The following UNC5C variants were observed in gnomAD, a reference collection of about 807,000 sequenced individuals.
UNC5C encodes the protein unc-5 netrin receptor C, also known as netrin receptor UNC5C.
UNC5C carries 47 observed loss-of-function variants against 99.8 expected under a neutral mutation model. The ratio of observed to expected loss-of-function variants is 0.47; its 90% CI spans 0.37 to 0.60. The LOEUF (loss-of-function observed/expected upper bound fraction) is 0.60. Among genes scored for constraint, UNC5C ranks in the 20% least tolerant of loss-of-function variants. The pLI is 0.00. For synonymous variants in UNC5C, 487 were observed against 452.2 expected (o/e 1.08, Z -0.98); for missense variants, 1,062 against 1,165.9 (o/e 0.91, Z 1.30).
At chr4:95,323,132 T>G (rs1742754748) in intron 2 of UNC5C, among the ~76,000 whole-genome samples, 1 of 152,152 alleles carries the variant, frequency 6.6e-6, no homozygotes, top group South Asian at 2.1e-4. Context: ...TTGAGATACT[T>G]CTTTAAGAAT....
chr4:95,394,193 C>A (rs902166443), intron 1 of UNC5C, among the ~76,000 whole-genome samples: 30 of 151,888 alleles, frequency 2.0e-4, no homozygotes, highest in Admixed American at 6.6e-4. Flanking sequence ...AGCTTGACTT[C>A]TGTACCCAGC....
rs541673332 is a variant in UNC5C at position 95,472,137 on chromosome 4, A to T, written c.124+76597T>A. Among the ~76,000 whole-genome samples, 13 of 152,292 alleles carry T rather than the reference A, an allele frequency of 8.5e-5. No individual in the cohort carries two copies. In the East Asian group the frequency reaches 2.3e-3, roughly 27 times the overall value. On this transcript the variant is annotated intron_variant, in intron 1 of 15. Transcript: ENST00000453304. Reference sequence around the variant, plus strand: ...AAACAAGATATTAAAGAGACAAACTAGAAAATATTTCATAACTTCCATTTG... The same window carrying T: ...AAACAAGATATTAAAGAGACAAACTTGAAAATATTTCATAACTTCCATTTG...
intron 1 of UNC5C, among the ~76,000 whole-genome samples, chr4:95,406,878 A>C (rs997597728): frequency 1.3e-5 from 2 of 152,248 alleles, no homozygotes; most frequent in Non-Finnish European, 2.9e-5. Flanking sequence ...CATGATTTAA[A>C]AATATGCTCA....
At chr4:95,382,032 C>T (rs1745087685) in intron 1 of UNC5C, among the ~76,000 whole-genome samples, 1 of 152,158 alleles carries the variant, frequency 6.6e-6, no homozygotes, top group Admixed American at 6.5e-5. Flanking sequence ...AGAAGCTTGT[C>T]TCCAAGCTTC....
chr4:95,338,281 T>C (rs1743424196), intron 1 of UNC5C, among the ~76,000 whole-genome samples: 1 of 152,102 alleles, frequency 6.6e-6, no homozygotes, highest in African/African-American at 2.4e-5. Context: ...GCATTAATTC[T>C]CAGATACAGT....
intron 12 of UNC5C, among the ~76,000 whole-genome samples, chr4:95,196,258 C>T (rs1485216843): frequency 6.6e-6 from 1 of 152,102 alleles, no homozygotes; most frequent in African/African-American, 2.4e-5. Context: ...TTTCATTAAT[C>T]ACCTGAAGAC....
intron 1 of UNC5C, among the ~76,000 whole-genome samples, chr4:95,463,129 T>C (rs903444801): frequency 2.6e-5 from 4 of 152,172 alleles, no homozygotes; most frequent in African/African-American, 4.8e-5. Flanking sequence ...ACCAGGCTTC[T>C]AGCCACATAG....
chr4:95,340,596 A>C (rs1743531626), intron 1 of UNC5C, among the ~76,000 whole-genome samples: 1 of 152,170 alleles, frequency 6.6e-6, no homozygotes, highest in Non-Finnish European at 1.5e-5. Context: ...CAAGTCGTTG[A>C]CTACATAATG....
intron 1 of UNC5C, among the ~76,000 whole-genome samples, chr4:95,357,328 G>T (rs114519744): frequency 0.041 from 6,176 of 151,850 alleles, 401 homozygotes; most frequent in African/African-American, 0.14. Flanking sequence ...TTTTTGTAGA[G>T]ATGGGATCTT....
At chr4:95,366,972 T>C (rs1744592299) in intron 1 of UNC5C, among the ~76,000 whole-genome samples, 2 of 152,160 alleles carry the variant, frequency 1.3e-5, no homozygotes, top group Admixed American at 1.3e-4. Context: ...TAATAATGTC[T>C]TGCATTTGAC....
intron 14 of UNC5C, among the ~76,000 whole-genome samples, chr4:95,178,055 G>A (rs1384968665): frequency 1.3e-5 from 2 of 152,118 alleles, no homozygotes; most frequent in East Asian, 3.9e-4. Context: ...GTATGAGGCT[G>A]CAAGGTGACC....
At chr4:95,457,493 C>T (rs1747473288) in intron 1 of UNC5C, among the ~76,000 whole-genome samples, 1 of 152,104 alleles carries the variant, frequency 6.6e-6, no homozygotes, top group South Asian at 2.1e-4. Flanking sequence ...CTGGGAAAAG[C>T]ACAAGAGATT....
At chr4:95,489,214 A>G (rs1316003783) in intron 1 of UNC5C, among the ~76,000 whole-genome samples, 2 of 151,598 alleles carry the variant, frequency 1.3e-5, no homozygotes, top group African/African-American at 2.4e-5. Flanking sequence ...CGATAGGGTG[A>G]CACAAAACAA....
chr4:95,334,487 A>G (rs912591801), intron 2 of UNC5C, among the ~76,000 whole-genome samples: 2 of 151,994 alleles, frequency 1.3e-5, no homozygotes, highest in Non-Finnish European at 2.9e-5. Context: ...TTACAAAATC[A>G]TAAGTCTGGA....
chr4:95,535,035 G>A (rs2149493964), intron 1 of UNC5C, among the ~76,000 whole-genome samples: 1 of 152,178 alleles, frequency 6.6e-6, no homozygotes, highest in African/African-American at 2.4e-5. Flanking sequence ...TACGAATACA[G>A]CAAATGTACA....
At chr4:95,492,704 C>T (rs1263208035) in intron 1 of UNC5C, among the ~76,000 whole-genome samples, 1 of 151,392 alleles carries the variant, frequency 6.6e-6, no homozygotes, top group African/African-American at 2.4e-5. Context: ...AATGGAGAGG[C>T]CTGCTGTGAT....
chr4:95,470,410 A>G (rs564224314), intron 1 of UNC5C, among the ~76,000 whole-genome samples: 59 of 152,278 alleles, frequency 3.9e-4, no homozygotes, highest in African/African-American at 1.3e-3. Context: ...TGATCAGTTT[A>G]CCTTGGGTTA....
chr4:95,533,372 G>A (rs955308440), intron 1 of UNC5C, among the ~76,000 whole-genome samples: 2 of 150,822 alleles, frequency 1.3e-5, no homozygotes, highest in Non-Finnish European at 2.9e-5. Flanking sequence ...CTCTAGCCAG[G>A]GCAATAAGAG....
intron 7 of UNC5C, among the ~76,000 whole-genome samples, chr4:95,236,737 A>G (rs1362733913): frequency 1.3e-5 from 2 of 152,162 alleles, no homozygotes; most frequent in Admixed American, 1.3e-4. Flanking sequence ...TACATATATA[A>G]ATCCATATTC....
Sources: allele counts gnomAD v4.1 joint callset (sites outside exome capture counted in the v4.1 genomes callset), GRCh38; gene constraint gnomAD v4.1.1; transcripts MANE v1.5; gene names NCBI Gene and HGNC (gene_info 2026-07-23, HGNC 2026-07-21).